ZNF277: variants seen among roughly 807,000 people sequenced by gnomAD.
The protein encoded by ZNF277 is nuclear receptor-interacting factor 4.
Under a neutral mutation model 60.7 loss-of-function variants are expected in ZNF277, and 55 were observed. The observed-to-expected ratio is 0.91, with a 90% CI of 0.73 to 1.13. The LOEUF is 1.13. Among genes scored for constraint, ZNF277 ranks in the 50% most tolerant of loss-of-function variants. ZNF277 has a pLI of 0.00. For synonymous variants in ZNF277, 178 were observed against 179.3 expected (o/e 0.99, Z 0.06); for missense variants, 510 against 523.0 (o/e 0.98, Z 0.24).
chr7:112,330,014 A>G (rs974524302), intron 6 of ZNF277, 70 bp from the exon 7 acceptor site: 90 of 1,505,170 alleles, frequency 6.0e-5, no homozygotes, highest in Non-Finnish European at 7.7e-5. Context: ...ATGAAACTCA[A>G]TAATAATAAA....
intron 10 of ZNF277, 91 bp from the exon 11 acceptor site, chr7:112,340,781 A>G: frequency 8.0e-6 from 9 of 1,119,102 alleles, no homozygotes; most frequent in African/African-American, 3.2e-5. Context: ...AGGTTGATTA[A>G]TAAAAATAAG....
intron 1 of ZNF277, among the ~76,000 whole-genome samples, chr7:112,207,340 AGT>A (rs1466376728): frequency 2.6e-5 from 4 of 152,122 alleles, no homozygotes; most frequent in Admixed American, 6.5e-5. Context: ...CTGAAGGGAA[AGT>A]GTGTGTATCT....
intron 1 of ZNF277, among the ~76,000 whole-genome samples, chr7:112,211,824 C>A (rs1821756341): frequency 6.6e-6 from 1 of 152,200 alleles, no homozygotes; most frequent in Non-Finnish European, 1.5e-5. Context: ...ACTTTGTCTA[C>A]CCCAGTGGAC....
chr7:112,274,042 GATATAT>G (rs35887204), intron 1 of ZNF277, among the ~76,000 whole-genome samples: 3 of 147,520 alleles, frequency 2.0e-5, no homozygotes, highest in African/African-American at 7.4e-5. Flanking sequence ...TATAGTATGA[GATATAT>G]ATATATATAT....
chr7:112,304,000 A>G (rs1792537001), intron 4 of ZNF277, among the ~76,000 whole-genome samples: 1 of 152,024 alleles, frequency 6.6e-6, no homozygotes, highest in Non-Finnish European at 1.5e-5. Flanking sequence ...ACTCTCATGG[A>G]TTTGGGGGTG....
intron 1 of ZNF277, among the ~76,000 whole-genome samples, chr7:112,227,935 G>C (rs1279479317): frequency 6.6e-6 from 1 of 151,376 alleles, no homozygotes; most frequent in Non-Finnish European, 1.5e-5. Flanking sequence ...TGTTTCTTGG[G>C]GTTGCCTGTA....
At chr7:112,209,757 T>C (rs1821687078) in intron 1 of ZNF277, among the ~76,000 whole-genome samples, 1 of 152,238 alleles carries the variant, frequency 6.6e-6, no homozygotes, top group Non-Finnish European at 1.5e-5. Context: ...ATTAAAAGTA[T>C]ATTTTTTGTT....
intron 1 of ZNF277, among the ~76,000 whole-genome samples, chr7:112,263,596 A>T (rs898974261): frequency 6.6e-6 from 1 of 152,182 alleles, no homozygotes; most frequent in African/African-American, 2.4e-5. Context: ...CACACTGGGC[A>T]GTGTGGCCTC....
intron 1 of ZNF277, among the ~76,000 whole-genome samples, chr7:112,263,414 A>G (rs1791477973): frequency 6.6e-6 from 1 of 152,252 alleles, no homozygotes; most frequent in African/African-American, 2.4e-5. Flanking sequence ...CTACTTAACA[A>G]TAATAAAACT....
At chr7:112,295,774 T>C (rs565395381) in intron 2 of ZNF277, 95 bp from the exon 3 acceptor site, 10 of 963,490 alleles carry the variant, frequency 1.0e-5, no homozygotes, top group Non-Finnish European at 1.6e-5. Flanking sequence ...GATTTGTTGC[T>C]TTGGGATGAG....
At chr7:112,295,706 C>T (rs1792308705) in intron 2 of ZNF277, among the ~76,000 whole-genome samples, 163 bp from the exon 3 acceptor site, 1 of 152,052 alleles carries the variant, frequency 6.6e-6, no homozygotes, top group Non-Finnish European at 1.5e-5. Flanking sequence ...TTCTATAATG[C>T]TCCACTGCCT....
rs112095029 is a variant in ZNF277 at position 112,208,926 on chromosome 7, G to C, written c.91+2119G>C. Among the ~76,000 whole-genome samples the C allele has an allele frequency of 7.4e-4, 113 of 152,090 alleles. 2 individuals carry two copies. The highest frequency in any genetic ancestry group is 2.7e-3 in the African/African-American group (110 of 41,498). ...GATCTGCTGACCTCGTGATCCGCCC[G>C]TCTCGGCCTCCCAAAGTGCTGGGAT... On this transcript the variant is annotated intron_variant, in intron 1 of 11. Coordinates refer to ENST00000361822, the MANE Select transcript of ZNF277 (RefSeq NM_021994.3).
chr7:112,241,445 T>C (rs1025856429), intron 1 of ZNF277, among the ~76,000 whole-genome samples: 2 of 152,142 alleles, frequency 1.3e-5, no homozygotes, highest in African/African-American at 4.8e-5. Flanking sequence ...GAAAACAGTT[T>C]GGAGGTTGCT....
chr7:112,337,949 C>G (rs1164791613), intron 9 of ZNF277, 123 bp downstream of exon 9: 7 of 739,974 alleles, frequency 9.5e-6, no homozygotes, highest in Non-Finnish European at 1.3e-5. Context: ...AGAGACAGGC[C>G]AGGTCTGTCA....
intron 1 of ZNF277, among the ~76,000 whole-genome samples, chr7:112,285,441 T>G (rs1372713347): frequency 6.7e-6 from 1 of 148,526 alleles, no homozygotes; most frequent in Non-Finnish European, 1.5e-5. Flanking sequence ...GAAATTTTTT[T>G]TTTTTTTTTT....
At chr7:112,317,010 A>G (rs1353585585) in intron 4 of ZNF277, among the ~76,000 whole-genome samples, 1 of 152,106 alleles carries the variant, frequency 6.6e-6, no homozygotes, top group Non-Finnish European at 1.5e-5. Context: ...AAGGACATGG[A>G]TGAAGCTGGA....
intron 1 of ZNF277, among the ~76,000 whole-genome samples, chr7:112,266,180 C>T (rs576135984): frequency 2.6e-5 from 4 of 151,908 alleles, no homozygotes; most frequent in African/African-American, 7.3e-5. Context: ...CTCACTCACT[C>T]TGTCACCCAG....
intron 1 of ZNF277, among the ~76,000 whole-genome samples, chr7:112,274,044 T>G (rs946592811): frequency 0.06 from 6,528 of 108,156 alleles, 331 homozygotes; most frequent in African/African-American, 0.18. Context: ...TAGTATGAGA[T>G]ATATATATAT....
At chr7:112,215,133 T>C (rs942183451) in intron 1 of ZNF277, among the ~76,000 whole-genome samples, 4 of 152,124 alleles carry the variant, frequency 2.6e-5, no homozygotes, top group Non-Finnish European at 5.9e-5. Flanking sequence ...TTGGATAAAC[T>C]GGAATCAAAA....
Sources: gnomAD v4.1 joint callset for allele counts (sites outside exome capture counted in the v4.1 genomes callset) on GRCh38, gnomAD v4.1.1 for gene constraint, MANE v1.5 for transcripts, NCBI Gene and HGNC (gene_info 2026-07-23, HGNC 2026-07-21) for gene names.